The following GALNT13 variants were observed in gnomAD, a reference collection of about 807,000 sequenced individuals.
The protein encoded by GALNT13 is UDP-GalNAc:polypeptide N-acetylgalactosaminyltransferase 13.
A neutral mutation model predicts 64.2 loss-of-function variants in GALNT13; 28 were observed. The ratio of observed to expected loss-of-function variants is 0.44; its 90% CI spans 0.32 to 0.60. The LOEUF is 0.60. Ranked by LOEUF, GALNT13 falls within the 20% of genes least tolerant of loss-of-function variation. GALNT13 has a pLI of 0.05. For missense variants in GALNT13, 577 were observed against 669.8 expected (o/e 0.86, Z 1.53); for synonymous variants, 214 against 224.6 (o/e 0.95, Z 0.42).
chr2:153,217,523 C>T, the GALNT13 span, among the ~76,000 whole-genome samples: 144 of 151,952 alleles, frequency 9.5e-4, no homozygotes, highest in Non-Finnish European at 1.8e-3. Flanking sequence ...TTTATTTTTA[C>T]TTTCTTTGTG....
At chr2:153,706,321 A>G in the GALNT13 span, among the ~76,000 whole-genome samples, 10 of 152,160 alleles carry the variant, frequency 6.6e-5, no homozygotes, top group Non-Finnish European at 1.3e-4. Context: ...ACTGCAGTCA[A>G]TTATTTAAGT....
the GALNT13 span, among the ~76,000 whole-genome samples, chr2:153,354,936 A>T: frequency 6.6e-6 from 1 of 152,190 alleles, no homozygotes; most frequent in African/African-American, 2.4e-5. Flanking sequence ...CAATGTTTCA[A>T]TCATTGCAAC....
At chr2:153,568,936 T>C in the GALNT13 span, among the ~76,000 whole-genome samples, 1 of 152,224 alleles carries the variant, frequency 6.6e-6, no homozygotes, top group African/African-American at 2.4e-5. Context: ...ACCTGCAATA[T>C]TAAAAGAGGT....
At chr2:154,076,324 T>C (rs1322804799) in intron 3 of GALNT13, among the ~76,000 whole-genome samples, 1 of 151,684 alleles carries the variant, frequency 6.6e-6, no homozygotes, top group Non-Finnish European at 1.5e-5. Context: ...AGTTCCTCCA[T>C]ATGGAGAAGG....
chr2:154,310,313 A>G (rs1693964590), intron 9 of GALNT13, among the ~76,000 whole-genome samples: 1 of 152,140 alleles, frequency 6.6e-6, no homozygotes, highest in South Asian at 2.1e-4. Context: ...GCTCAAATCT[A>G]TTATATTTGT....
the GALNT13 span, among the ~76,000 whole-genome samples, chr2:153,540,449 G>T: frequency 6.6e-6 from 1 of 152,202 alleles, no homozygotes; most frequent in Non-Finnish European, 1.5e-5. Context: ...GGGAAATGTG[G>T]GGTTGGAGCT....
At chr2:153,890,692 A>C (rs1401632895) in intron 1 of GALNT13, among the ~76,000 whole-genome samples, 5 of 152,082 alleles carry the variant, frequency 3.3e-5, no homozygotes, top group African/African-American at 1.2e-4. Context: ...AACAAAAGGA[A>C]AGGAAAGGAG....
At chr2:154,309,922 G>A (rs952544565) in intron 9 of GALNT13, among the ~76,000 whole-genome samples, 3 of 152,164 alleles carry the variant, frequency 2.0e-5, no homozygotes, top group Non-Finnish European at 2.9e-5. Flanking sequence ...GGCCCTGTGA[G>A]ATCCAGTCCT....
the GALNT13 span, among the ~76,000 whole-genome samples, chr2:153,782,670 A>C: frequency 6.6e-6 from 1 of 152,200 alleles, no homozygotes; most frequent in Non-Finnish European, 1.5e-5. Context: ...GACAATGTGA[A>C]GGTATAGGAA....
chr2:153,163,857 A>C, the GALNT13 span, among the ~76,000 whole-genome samples: 2 of 151,874 alleles, frequency 1.3e-5, no homozygotes, highest in African/African-American at 2.4e-5. Context: ...ATCTCTACTA[A>C]AAATACAAAA....
the GALNT13 span, among the ~76,000 whole-genome samples, chr2:153,089,186 A>C: frequency 6.6e-6 from 1 of 152,094 alleles, no homozygotes; most frequent in African/African-American, 2.4e-5. Flanking sequence ...GAATTCTCTC[A>C]GCATTTGTTT....
the GALNT13 span, among the ~76,000 whole-genome samples, chr2:153,405,596 C>T: frequency 6.6e-6 from 1 of 152,086 alleles, no homozygotes; most frequent in African/African-American, 2.4e-5. Context: ...GTTTAAATTC[C>T]TACTCTATCA....
chr2:153,401,755 CT>C, the GALNT13 span, among the ~76,000 whole-genome samples: 4 of 148,584 alleles, frequency 2.7e-5, no homozygotes, highest in African/African-American at 9.9e-5. Context: ...CAACCCCTGC[CT>C]TTTTTTGTTT....
chr2:153,173,809 A>G, the GALNT13 span, among the ~76,000 whole-genome samples: 1 of 152,176 alleles, frequency 6.6e-6, no homozygotes, highest in South Asian at 2.1e-4. Flanking sequence ...TAAATCATTC[A>G]AATCAATTAT....
intron 3 of GALNT13, among the ~76,000 whole-genome samples, chr2:154,002,642 C>A (rs949541770): frequency 3.3e-5 from 5 of 151,840 alleles, no homozygotes; most frequent in African/African-American, 7.3e-5. Flanking sequence ...ATCTTTAATT[C>A]TTCTGGCTCC....
chr2:154,035,486 G>A (rs903368754), intron 3 of GALNT13, among the ~76,000 whole-genome samples: 5 of 151,968 alleles, frequency 3.3e-5, no homozygotes, highest in African/African-American at 1.2e-4. Context: ...GGAGTATATA[G>A]CAAATGTCTA....
chr2:153,916,867 T>C (rs1391384969), intron 2 of GALNT13, among the ~76,000 whole-genome samples: 1 of 152,220 alleles, frequency 6.6e-6, no homozygotes. Context: ...TGTTCTTTGA[T>C]GTATAATTTC....
At chr2:153,336,271 C>T in the GALNT13 span, among the ~76,000 whole-genome samples, 1 of 152,078 alleles carries the variant, frequency 6.6e-6, no homozygotes, top group African/African-American at 2.4e-5. Flanking sequence ...CTCCAGACCC[C>T]AAAATGGTAG....
the GALNT13 span, among the ~76,000 whole-genome samples, chr2:153,806,364 C>G: frequency 6.6e-6 from 1 of 151,914 alleles, no homozygotes; most frequent in South Asian, 2.1e-4. Context: ...ATATTGACAA[C>G]AGATCAATAA....
Sources: allele counts gnomAD v4.1 joint callset (sites outside exome capture counted in the v4.1 genomes callset), GRCh38; gene constraint gnomAD v4.1.1; transcripts MANE v1.5; gene names NCBI Gene and HGNC (gene_info 2026-07-23, HGNC 2026-07-21).